The following ROR2 variants were observed in gnomAD, a reference collection of about 807,000 sequenced individuals.
ROR2 encodes ROR family WNT receptor 2, also known as tyrosine-protein kinase transmembrane receptor ROR2.
ROR2 carries 33 observed loss-of-function variants against 74.9 expected under a neutral mutation model. The ratio of observed to expected loss-of-function variants is 0.44; its 90% CI spans 0.33 to 0.59. The LOEUF (loss-of-function observed/expected upper bound fraction) is 0.59. Ranked by LOEUF, ROR2 falls within the 20% of genes least tolerant of loss-of-function variation. The pLI, the probability that ROR2 is intolerant of heterozygous loss-of-function variation, is 0.02. For missense variants in ROR2, 1,216 were observed against 1,313.8 expected, an observed-to-expected ratio of 0.93 and a Z score of 1.15; for synonymous variants, 586 against 558.7, an observed-to-expected ratio of 1.05 and a Z score of -0.69.
rs1020047514 is a variant in ROR2, at chr9:91,905,351, C to T, written c.97+44516G>A. On this transcript the variant is annotated intron_variant, in intron 1 of 8. Transcript: ENST00000375708. This position sits in a 1 kb window ranked among gnomAD's most constrained non-coding sequence, Gnocchi z 5.3. ...TACCACACAACACATACACAACCAT[C>T]ACACACCATACACACAAGACACACA... is the stretch of plus-strand genomic sequence containing the variant. Among the ~76,000 whole-genome samples, 2 of 151,676 alleles carry T rather than the reference C, an allele frequency of 1.3e-5. No homozygotes were observed. The highest frequency in any genetic ancestry group is 2.9e-5 in the Non-Finnish European group (2 of 67,880).
chr9:91,845,328 T>C (rs892224280), intron 1 of ROR2, among the ~76,000 whole-genome samples: 20 of 152,162 alleles, frequency 1.3e-4, no homozygotes, highest in Non-Finnish European at 7.3e-5. Context: ...CACAAGGCCA[T>C]GCCTGCCCCC....
chr9:91,743,042 A>T (rs1453230205), intron 4 of ROR2, among the ~76,000 whole-genome samples: 1 of 152,214 alleles, frequency 6.6e-6, no homozygotes, highest in Non-Finnish European at 1.5e-5. Context: ...AGTAGGGGAA[A>T]TCATCTAGGT....
At chr9:91,817,634 G>A (rs1157119108) in intron 1 of ROR2, among the ~76,000 whole-genome samples, 1 of 152,134 alleles carries the variant, frequency 6.6e-6, no homozygotes, top group Non-Finnish European at 1.5e-5. Flanking sequence ...CCAGCGCCAG[G>A]AGCAGCACCC....
At chr9:91,869,216 C>T (rs73517097) in intron 1 of ROR2, among the ~76,000 whole-genome samples, 7,153 of 152,156 alleles carry the variant, frequency 0.047, 453 homozygotes, top group African/African-American at 0.14. Context: ...TGCCACCACA[C>T]CCAGTGAATT....
At chr9:91,852,692 A>C (rs543655538) in intron 1 of ROR2, among the ~76,000 whole-genome samples, 1 of 151,516 alleles carries the variant, frequency 6.6e-6, no homozygotes, top group South Asian at 2.1e-4. Context: ...GGTAAAAAAT[A>C]GGGTCCGTGT....
chr9:91,880,629 G>T (rs1040015229), intron 1 of ROR2, among the ~76,000 whole-genome samples: 1 of 152,214 alleles, frequency 6.6e-6, no homozygotes, highest in Admixed American at 6.5e-5. Context: ...TCAGTTAGGG[G>T]ACAAAGTGAC....
intron 1 of ROR2, among the ~76,000 whole-genome samples, chr9:91,822,737 T>C (rs2119153063): frequency 6.6e-6 from 1 of 152,236 alleles, no homozygotes; most frequent in South Asian, 2.1e-4. Context: ...AAATACAACA[T>C]GGCTTTTCAG....
At chr9:91,764,557 CTT>C (rs373721144) in intron 2 of ROR2, among the ~76,000 whole-genome samples, 6,270 of 139,112 alleles carry the variant, frequency 0.045, 279 homozygotes, top group East Asian at 0.16. Context: ...GCTATAATCA[CTT>C]ACACACACAC....
chr9:91,852,624 A>AACAC (rs59759515), intron 1 of ROR2, among the ~76,000 whole-genome samples: 1 of 123,830 alleles, frequency 8.1e-6, no homozygotes, highest in Non-Finnish European at 1.6e-5. Context: ...AAAACACACA[A>AACAC]ACACACACAC....
intron 1 of ROR2, among the ~76,000 whole-genome samples, chr9:91,801,632 C>A (rs1354478067): frequency 6.6e-6 from 1 of 152,150 alleles, no homozygotes; most frequent in African/African-American, 2.4e-5. Flanking sequence ...TCCTGGCCTG[C>A]ATGCTTTTCT....
chr9:91,769,346 CCCA>C (rs1284758173), intron 2 of ROR2, among the ~76,000 whole-genome samples: 1 of 152,130 alleles, frequency 6.6e-6, no homozygotes, highest in Admixed American at 6.5e-5. Context: ...GCTGAGATGC[CCCA>C]CAATGAGCAT....
At position 91,724,692 on chromosome 9, in the gene ROR2, G is replaced by C. The variant is rs751398670; in HGVS notation, c.1802C>G (p.Ala601Gly). The C allele has an allele frequency of 6.2e-7, 1 of 1,614,074 alleles. No individual in the cohort carries two copies. The highest frequency in any genetic ancestry group is 1.3e-5 in the African/African-American group (1 of 74,952). ...GTGGCTGGATAGGTACTCCATCCCCGCCGCGATCTGTGCCACAAGGTGCAC... is the reference window on the plus strand; with the variant it reads ...GTGGCTGGATAGGTACTCCATCCCCCCCGCGATCTGTGCCACAAGGTGCAC... Reference protein sequence around the residue: ...DFVHLVAQIAAGMEYLSSHHV... With the variant: ...DFVHLVAQIAGGMEYLSSHHV... Residue 601 changes from alanine to glycine, a missense_variant, in exon 9 of 9, where the codon GCG becomes GGG. Ala to Gly is a moderately conservative substitution (Grantham distance 60). Coordinates refer to ENST00000375708, the MANE Select transcript of ROR2 (RefSeq NM_004560.4).
chr9:91,877,110 AC>A (rs1239941243), intron 1 of ROR2, among the ~76,000 whole-genome samples: 3 of 152,240 alleles, frequency 2.0e-5, no homozygotes, highest in African/African-American at 7.2e-5. Flanking sequence ...TGCTGGGAAG[AC>A]TGTGGGGTGA....
intron 1 of ROR2, among the ~76,000 whole-genome samples, chr9:91,920,351 TAA>T (rs1432845245): frequency 6.6e-6 from 1 of 152,008 alleles, no homozygotes; most frequent in African/African-American, 2.4e-5. Flanking sequence ...ACAAAATATT[TAA>T]AAGTTAGCTG....
chr9:91,777,421 A>T (rs1826456861), intron 1 of ROR2, among the ~76,000 whole-genome samples: 1 of 151,972 alleles, frequency 6.6e-6, no homozygotes, highest in South Asian at 2.1e-4. Flanking sequence ...CATCATCATC[A>T]TCATCATCAT....
At position 91,724,073 on chromosome 9, in the gene ROR2, C is replaced by A. The variant is rs947970454; in HGVS notation, c.2421G>T (p.Gln807His). 1 of 1,611,000 alleles carries A rather than the reference C, an allele frequency of 6.2e-7. No individual in the cohort carries two copies. ...PQPQFIPMKG[Q>H]IRPMVPPPQL... ...GCGGCGGGGGCACCATGGGTCTGAT[C>A]TGGCCCTTCATGGGGATGAACTGGG... Residue 807 changes from glutamine to histidine, a missense_variant, in exon 9 of 9, where the codon CAG becomes CAT. Coordinates refer to ENST00000375708, the MANE Select transcript of ROR2 (RefSeq NM_004560.4).
chr9:91,751,720 A>G (rs1159971314), intron 4 of ROR2, among the ~76,000 whole-genome samples: 1 of 152,226 alleles, frequency 6.6e-6, no homozygotes, highest in Admixed American at 6.5e-5. Context: ...AATCTCACAG[A>G]TGAGTCAAGA....
rs901092094 is a variant in ROR2 at position 91,775,796 on chromosome 9, C to T, written c.120G>A (p.Pro40=). ...CATCAAGGGGTCCTAAAGGGTCGTT[C>T]GGATCCAGAACCTCCACTTCACCTG... ...RTSGEVEVLD[P]NDPLGPLDGQ... Residue 40 remains proline (P), a synonymous_variant, in exon 2 of 9, where the codon CCG becomes CCA. Transcript: ENST00000375708. 2 of 1,614,012 alleles carry T rather than the reference C, an allele frequency of 1.2e-6. No homozygotes were observed. Among genetic ancestry groups the T allele is most frequent in the Non-Finnish European group, 1.7e-6 (2 of 1,180,032 alleles).
chr9:91,722,729 G>A lies in ROR2; in HGVS notation c.*933C>T, dbSNP rs1309765629. 4 of 691,692 alleles carry A rather than the reference G, an allele frequency of 5.8e-6. No individual in the cohort carries two copies. The African/African-American group carries it at 6.9e-5, about 12-fold the overall frequency. 42.8% of individuals were successfully genotyped at this position (691,692 alleles called of 1,614,324 possible). ...GGGCTGTAAAATGAATGGACCTCAT[G>A]TGCACGTGGTACAGAGAGAAGCAAA... On this transcript the variant is annotated 3_prime_UTR_variant, in exon 9 of 9. Transcript: ENST00000375708.
Sources: gnomAD v4.1 joint callset for allele counts (sites outside exome capture counted in the v4.1 genomes callset) on GRCh38, gnomAD v4.1.1 for gene constraint, Gnocchi (gnomAD v3.1) non-coding constraint, MANE v1.5 for transcripts, NCBI Gene and HGNC (gene_info 2026-07-23, HGNC 2026-07-21) for gene names.